Variants in MYB observed in about 807,000 individuals in gnomAD.
MYB encodes the protein transcriptional activator Myb.
MYB carries 28 observed loss-of-function variants against 92.9 expected under a neutral mutation model. The observed-to-expected ratio is 0.30, with a 90% CI of 0.22 to 0.41. The LOEUF (loss-of-function observed/expected upper bound fraction) is 0.41. Among genes scored for constraint, MYB ranks in the 10% least tolerant of loss-of-function variants. The pLI is 1.00. For missense variants in MYB, 679 were observed against 929.3 expected (o/e 0.73, Z 3.50); for synonymous variants, 295 against 329.1 (o/e 0.90, Z 1.12).
rs770095891 is a variant in MYB, at chr6:135,217,851, C to CG, written c.2170-13_2170-12insG. ...TTGTCTGACGCTCCTGTTGCCATCCCTTTCTCCATCAGCCTTGTAGCAGTA... is the reference window on the plus strand; with the variant it reads ...TTGTCTGACGCTCCTGTTGCCATCCCGTTTCTCCATCAGCCTTGTAGCAGTA... On this transcript the variant is annotated splice_polypyrimidine_tract_variant and intron_variant, in intron 15 of 15. Coordinates refer to ENST00000341911, the MANE Select transcript of MYB (RefSeq NM_001130173.2). 5.7e-6 allele frequency: 9 copies of CG among 1,572,736 alleles called. No homozygotes were observed. Among genetic ancestry groups the CG allele is most frequent in the Non-Finnish European group, 7.9e-6 (9 of 1,142,676 alleles).
chr6:135,194,821 A>G (rs1423443247), intron 8 of MYB: 1 of 1,027,740 alleles, frequency 9.7e-7, no homozygotes, highest in Non-Finnish European at 1.3e-6. Flanking sequence ...TTTTTCTATT[A>G]TTTTGTTAAC....
intron 11 of MYB, among the ~76,000 whole-genome samples, 175 bp downstream of exon 11, chr6:135,199,225 C>T (rs1050464842): frequency 1.3e-5 from 2 of 152,112 alleles, no homozygotes; most frequent in Non-Finnish European, 2.9e-5. Context: ...TTACAACTAC[C>T]TACAGGTAGA....
Position 135,182,207 on chromosome 6 carries a change from C to T in MYB, c.23+671C>T, listed in dbSNP as rs558209029. ...ACATTGCACGCGCACCCACACGCGC[C>T]GCCGTCGCACATGTCACTGCACTTA... On this transcript the variant is annotated intron_variant, in intron 1 of 15. Coordinates refer to ENST00000341911, the MANE Select transcript of MYB (RefSeq NM_001130173.2). The surrounding 1 kb of genome is among the most constrained non-coding windows in gnomAD (Gnocchi z 5.6). Among the ~76,000 whole-genome samples the T allele has an allele frequency of 2.6e-5, 4 of 152,320 alleles. No individual in the cohort carries two copies. Among genetic ancestry groups the T allele is most frequent in the Non-Finnish European group, 5.9e-5 (4 of 68,028 alleles).
chr6:135,216,759 A>G (rs210938), intron 15 of MYB, among the ~76,000 whole-genome samples: 54,926 of 151,714 alleles, frequency 0.36, 9,889 homozygotes, highest in East Asian at 0.4. Flanking sequence ...TTTCTTTTCT[A>G]ATCATCTTAC....
Position 135,200,517 on chromosome 6 carries a change from G to A in MYB, c.1950+102G>A, listed in dbSNP as rs564406154. On this transcript the variant is annotated intron_variant, in intron 13 of 15. Transcript: ENST00000341911. ...TGCCATTGGCACTGTGCAACACCAC[G>A]ACTTTTCGTGCAAGATTTTCATACA... 2.0e-5 allele frequency: 30 copies of A among 1,516,528 alleles called. 1 individual carries two copies. The highest frequency in any genetic ancestry group is 1.8e-4 in the South Asian group (16 of 88,308). The allele number at this position is 1,516,528 out of a possible 1,614,324, so 93.9% of individuals were successfully genotyped here. A position where few individuals can be genotyped will look rare whatever the true frequency, so the allele number is the denominator to read the frequency against.
chr6:135,217,528 G>A (rs552155173), intron 15 of MYB, among the ~76,000 whole-genome samples: 1 of 152,318 alleles, frequency 6.6e-6, no homozygotes, highest in East Asian at 1.9e-4. Context: ...TTAGTGAGTA[G>A]ATGGCCATAG....
intron 7 of MYB, among the ~76,000 whole-genome samples, chr6:135,194,134 C>T (rs1284437073): frequency 6.6e-6 from 1 of 152,166 alleles, no homozygotes; most frequent in African/African-American, 2.4e-5. Context: ...GGTGAAATAA[C>T]TCATCAGTCA....
At chr6:135,183,006 GTT>G (rs3071602) in intron 1 of MYB, among the ~76,000 whole-genome samples, 10,993 of 91,934 alleles carry the variant, frequency 0.12, 532 homozygotes, top group African/African-American at 0.16. Flanking sequence ...GGGGTCATCT[GTT>G]TTTTTTTTTT....
At chr6:135,203,165 C>T (rs921297077) in intron 14 of MYB, 52 bp from the exon 15 acceptor site, 1 of 1,196,794 alleles carries the variant, frequency 8.4e-7, no homozygotes, top group Admixed American at 1.8e-5. Flanking sequence ...AAAAATGTGG[C>T]TCTCATATTA....
At chr6:135,206,557 G>A (rs547727239) in intron 15 of MYB, among the ~76,000 whole-genome samples, 10 of 151,502 alleles carry the variant, frequency 6.6e-5, no homozygotes, top group Admixed American at 1.3e-4. Context: ...ATAGCCAGGC[G>A]TGGTGGTGCG....
At position 135,197,198 on chromosome 6, in the gene MYB, C is replaced by T. The variant is rs371380453; in HGVS notation, c.1441C>T (p.Arg481Ter). The T allele has an allele frequency of 2.0e-5, 32 of 1,613,698 alleles. No homozygotes were observed. The highest frequency in any genetic ancestry group is 1.6e-4 in the African/African-American group (12 of 74,862). ...CAGCACAATTCCACTGGTCATCCTT[C>T]GAAAAAAACGGGGCCAGGCCAGCCC... is the stretch of plus-strand genomic sequence containing the variant. ...RHSTIPLVIL[R>*]KKRGQASPLA... Residue 481 changes from arginine (R) to a stop codon, truncating the protein, a stop_gained, in exon 10 of 16, where the codon CGA (arginine) becomes TGA (stop). Coordinates refer to ENST00000341911, the MANE Select transcript of MYB (RefSeq NM_001130173.2). LOFTEE classifies it high-confidence loss of function.
rs1054929583 is a variant in MYB, at chr6:135,181,423, G to A, written c.-91G>A. On this transcript the variant is annotated 5_prime_UTR_variant, in exon 1 of 16. Transcript: ENST00000341911. The surrounding 1 kb of genome is among the most constrained non-coding windows in gnomAD (Gnocchi z 5.3). The stretch of plus-strand genomic sequence containing the variant: ...CGGTGCGGAGCGCCGCTGCGCAGCC[G>A]GGGAGGGACGCAGGCAGGCGGCGGG... 5 of 924,246 alleles carry A rather than the reference G, an allele frequency of 5.4e-6. No homozygotes were observed. The highest frequency in any genetic ancestry group is 3.6e-5 in the African/African-American group (2 of 56,012). 57.3% of individuals were successfully genotyped at this position (924,246 alleles called of 1,614,324 possible).
At chr6:135,210,691 C>G (rs530423418) in intron 15 of MYB, among the ~76,000 whole-genome samples, 1 of 152,328 alleles carries the variant, frequency 6.6e-6, no homozygotes, top group Admixed American at 6.5e-5. Flanking sequence ...TTTAATTCAT[C>G]AAGTGAACAC....
chr6:135,190,189 G>A lies in MYB; in HGVS notation c.369G>A (p.Lys123=), dbSNP rs1277463590. 1.9e-6 allele frequency: 3 copies of A among 1,614,066 alleles called. No individual in the cohort carries two copies. The highest frequency in any genetic ancestry group is 2.7e-5 in the African/African-American group (2 of 74,924). Residue 123 remains lysine (K), a synonymous_variant, in exon 5 of 16, where the codon AAG becomes AAA. Transcript: ENST00000341911. The surrounding 1 kb of genome is among the most constrained non-coding windows in gnomAD (Gnocchi z 4.5). ...KRWSVIAKHL[K]GRIGKQCRER... is the part of the protein sequence containing the mutation. Reference sequence around the variant, plus strand: ...GGTCTGTTATTGCCAAGCACTTAAAGGGGAGAATTGGAAAACAATGTAGGG... The same window carrying A: ...GGTCTGTTATTGCCAAGCACTTAAAAGGGAGAATTGGAAAACAATGTAGGG...
intron 15 of MYB, among the ~76,000 whole-genome samples, chr6:135,211,696 C>T (rs538931002): frequency 3.3e-5 from 5 of 152,212 alleles, no homozygotes; most frequent in African/African-American, 1.2e-4. Context: ...CTAGAGACAT[C>T]GGGGACAAAC....
intron 9 of MYB, chr6:135,196,578 A>G (rs1777346560): frequency 7.1e-6 from 3 of 424,788 alleles, no homozygotes; most frequent in Non-Finnish European, 1.3e-5. Flanking sequence ...CGTGAAACAA[A>G]TTTGTATTCA....
chr6:135,195,850 C>A lies in MYB; in HGVS notation c.1051C>A (p.His351Asn), dbSNP rs761839406. Residue 351 changes from histidine (H) to asparagine (N), a missense_variant, in exon 9 of 16, where the codon CAC (histidine) becomes AAC (asparagine). Around this residue, in one of 8 missense-constraint regions of MYB, gnomAD observed 56 missense variants for 55.8 expected, o/e 1.00. Transcript: ENST00000341911. ...DSAPVSCLGE[H>N]HSTPSLPADP... ...TGCACCTGTTTCCTGTTTGGGAGAA[C>A]ACCACTCCACTCCATCTCTGCCAGC... is the stretch of plus-strand genomic sequence containing the variant. 6.2e-7 allele frequency: 1 copy of A among 1,614,170 alleles called. No homozygotes were observed. Among genetic ancestry groups the A allele is most frequent in the Non-Finnish European group, 8.5e-7 (1 of 1,180,028 alleles).
chr6:135,182,696 A>G lies in MYB; in HGVS notation c.23+1160A>G, dbSNP rs990446504. On this transcript the variant is annotated intron_variant, in intron 1 of 15. Transcript: ENST00000341911. This position sits in a 1 kb window ranked among gnomAD's most constrained non-coding sequence, Gnocchi z 5.6. Reference sequence around the variant, plus strand: ...AAGTCCATGGAGGCAAAGCAAATCCATTCGCCTTTCCTTAGATTGTTTGAT... The same window carrying G: ...AAGTCCATGGAGGCAAAGCAAATCCGTTCGCCTTTCCTTAGATTGTTTGAT... Among the ~76,000 whole-genome samples, 17 of 152,134 alleles carry G rather than the reference A, an allele frequency of 1.1e-4. No homozygotes were observed. The highest frequency in any genetic ancestry group is 3.6e-4 in the African/African-American group (15 of 41,506).
intron 8 of MYB, chr6:135,194,717 A>T: frequency 1.7e-6 from 1 of 571,892 alleles, no homozygotes; most frequent in Non-Finnish European, 3.0e-6. Flanking sequence ...TTTCTTCAGA[A>T]GGACTATAAT....
Sources: gnomAD v4.1 joint callset for allele counts (sites outside exome capture counted in the v4.1 genomes callset) on GRCh38, gnomAD v4.1.1 for gene constraint, gnomAD v4.1.1 regional missense constraint, Gnocchi (gnomAD v3.1) non-coding constraint, MANE v1.5 for transcripts, NCBI Gene and HGNC (gene_info 2026-07-23, HGNC 2026-07-21) for gene names.